Variants in ZNF610 observed in about 807,000 individuals in gnomAD.
The protein encoded by ZNF610 is zinc finger protein 610.
Under a neutral mutation model 14.1 loss-of-function variants are expected in ZNF610, and 14 were observed. The observed-to-expected ratio is 0.99, with a 90% confidence interval of 0.65 to 1.55. The LOEUF (loss-of-function observed/expected upper bound fraction) is 1.55. Among genes scored for constraint, ZNF610 ranks in the 40% most tolerant of loss-of-function variants. ZNF610 has a pLI of 0.00. For synonymous variants in ZNF610, 185 were observed against 187.6 expected (o/e 0.99, Z 0.11); for missense variants, 530 against 558.0 (o/e 0.95, Z 0.51).
At chr19:52,341,240 T>C (rs1000280489) in intron 1 of ZNF610, among the ~76,000 whole-genome samples, 13 of 152,222 alleles carry the variant, frequency 8.5e-5, no homozygotes, top group Non-Finnish European at 1.6e-4. Context: ...AATCAAGTTA[T>C]CGCATCCACC....
chr19:52,349,573 A>G (rs966499604), intron 3 of ZNF610, among the ~76,000 whole-genome samples: 2 of 132,732 alleles, frequency 1.5e-5, no homozygotes, highest in Admixed American at 7.7e-5. Context: ...GAAGTCACGT[A>G]TTTTTTTTTT....
In ZNF610 at chr19:52,366,705, C is replaced by T. The variant is rs375474425; in HGVS notation, c.1327C>T (p.Leu443Phe). 3 of 1,614,156 alleles carry T rather than the reference C, an allele frequency of 1.9e-6. No individual in the cohort carries two copies. The highest frequency in any genetic ancestry group is 2.2e-5 in the South Asian group (2 of 91,086). Residue 443 changes from leucine (L) to phenylalanine (F), a missense_variant, in exon 6 of 6, where the codon CTT (leucine) becomes TTT (phenylalanine). Transcript: ENST00000403906. ...CGKVFNQNPH[L>F]SRHRKIHAGE... ...CAAGGTCTTCAATCAAAATCCACACCTTTCACGACATCGGAAAATTCATGC... is the reference window on the plus strand; with the variant it reads ...CAAGGTCTTCAATCAAAATCCACACTTTTCACGACATCGGAAAATTCATGC...
At chr19:52,335,060 C>T (rs1028922561), upstream of ZNF610, among the ~76,000 whole-genome samples, 3 of 54,486 alleles carry the variant, frequency 5.5e-5, no homozygotes, top group Non-Finnish European at 7.2e-5. Context: ...CTTTGGGGGC[C>T]GGGGCGTGGG....
chr19:52,348,680 T>C (rs1377230652), intron 2 of ZNF610, among the ~76,000 whole-genome samples: 3 of 152,020 alleles, frequency 2.0e-5, no homozygotes, highest in Non-Finnish European at 4.4e-5. Context: ...TAAATAGAGG[T>C]CAGTACTGTT....
At chr19:52,330,920 C>T in the ZNF610 span, among the ~76,000 whole-genome samples, 3 of 152,162 alleles carry the variant, frequency 2.0e-5, no homozygotes, top group Non-Finnish European at 4.4e-5. Context: ...TTAAATGGCA[C>T]TTTCTGATAT....
chr19:52,333,322 A>C (rs928256216), upstream of ZNF610, among the ~76,000 whole-genome samples: 3 of 152,226 alleles, frequency 2.0e-5, no homozygotes, highest in Admixed American at 2.0e-4. Flanking sequence ...AGCTCCCGGT[A>C]ACCAAGCCGA....
At chr19:52,353,969 C>A (rs547202695) in intron 4 of ZNF610, among the ~76,000 whole-genome samples, 161 bp downstream of exon 4, 1 of 152,156 alleles carries the variant, frequency 6.6e-6, no homozygotes. Context: ...TGAAATGCGT[C>A]CTTTCTTCAG....
intron 1 of ZNF610, among the ~76,000 whole-genome samples, chr19:52,340,384 C>A (rs1270449143): frequency 1.3e-5 from 2 of 152,076 alleles, no homozygotes; most frequent in Non-Finnish European, 2.9e-5. Context: ...CCGTCTCAAA[C>A]ATGGGGGAAA....
chr19:52,358,382 C>A (rs1019209271), intron 5 of ZNF610, among the ~76,000 whole-genome samples: 1 of 152,136 alleles, frequency 6.6e-6, no homozygotes, highest in Non-Finnish European at 1.5e-5. Flanking sequence ...TGAGGTTTTA[C>A]CATGTTCACC....
Position 52,366,820 on chromosome 19 carries a change from C to A in ZNF610, c.*53C>A. On this transcript the variant is annotated 3_prime_UTR_variant, in exon 6 of 6. Coordinates refer to ENST00000403906, the MANE Select transcript of ZNF610 (RefSeq NM_001161425.2). ...ACACCTAGCACAACATTGGAGGACT[C>A]AGGAGAAAAACCTTACAAATATCAT... 1 of 1,414,036 alleles carries A rather than the reference C, an allele frequency of 7.1e-7. No homozygotes were observed. Among genetic ancestry groups the A allele is most frequent in the Non-Finnish European group, 9.7e-7 (1 of 1,030,380 alleles). 87.6% of individuals were successfully genotyped at this position (1,414,036 alleles called of 1,614,324 possible).
chr19:52,365,355 G>A (rs10401360), intron 5 of ZNF610, among the ~76,000 whole-genome samples: 27,059 of 152,104 alleles, frequency 0.18, 2,692 homozygotes, highest in East Asian at 0.25. Context: ...AGCTTTATGC[G>A]TATATTATAC....
At chr19:52,364,550 A>G (rs1985927911) in intron 5 of ZNF610, among the ~76,000 whole-genome samples, 1 of 152,088 alleles carries the variant, frequency 6.6e-6, no homozygotes, top group South Asian at 2.1e-4. Flanking sequence ...TTTGCTGAAT[A>G]TAGTATTCTT....
intron 5 of ZNF610, among the ~76,000 whole-genome samples, chr19:52,361,457 G>A (rs1347796242): frequency 6.6e-6 from 1 of 152,048 alleles, no homozygotes; most frequent in Non-Finnish European, 1.5e-5. Flanking sequence ...GATTACAGGC[G>A]TGAGCCACTG....
intron 1 of ZNF610, among the ~76,000 whole-genome samples, chr19:52,339,302 C>A (rs1984551302): frequency 6.6e-6 from 1 of 151,940 alleles, no homozygotes; most frequent in Non-Finnish European, 1.5e-5. Context: ...TAATCCTCAG[C>A]ACAGACCCTT....
chr19:52,338,723 G>C (rs1008828699), intron 1 of ZNF610, among the ~76,000 whole-genome samples: 1 of 151,994 alleles, frequency 6.6e-6, no homozygotes, highest in Non-Finnish European at 1.5e-5. Flanking sequence ...TCTTTGAGAC[G>C]GAGTTTCGGT....
At chr19:52,361,010 A>G (rs1349597753) in intron 5 of ZNF610, among the ~76,000 whole-genome samples, 1 of 152,068 alleles carries the variant, frequency 6.6e-6, no homozygotes, top group Non-Finnish European at 1.5e-5. Context: ...TTTACAGTGA[A>G]GTCATCTGGT....
At chr19:52,340,129 G>A (rs531970272) in intron 1 of ZNF610, among the ~76,000 whole-genome samples, 1 of 152,198 alleles carries the variant, frequency 6.6e-6, no homozygotes, top group Non-Finnish European at 1.5e-5. Context: ...GGCCAGACGC[G>A]TTGGCTTAAG....
rs542329415 is a variant in ZNF610 at position 52,341,900 on chromosome 19, T to C, written c.-258+5394T>C. On this transcript the variant is annotated intron_variant, in intron 1 of 5. Transcript: ENST00000403906. ...ATCACAGCTCACTGCAACCTCGACG[T>C]CCTGGGCTCAAACAATTCTCCCACC... 4.6e-5 allele frequency among the ~76,000 whole-genome samples: 7 copies of C among 152,322 alleles called. No individual in the cohort carries two copies. The East Asian group carries it at 1.4e-3, about 29-fold the overall frequency.
At chr19:52,334,257 G>C (rs931797788), upstream of ZNF610, among the ~76,000 whole-genome samples, 8 of 152,188 alleles carry the variant, frequency 5.3e-5, no homozygotes, top group African/African-American at 1.9e-4. Context: ...GCTCACGCCT[G>C]TAATCCCAGC....
Sources: allele counts gnomAD v4.1 joint callset (sites outside exome capture counted in the v4.1 genomes callset), GRCh38; gene constraint gnomAD v4.1.1; transcripts MANE v1.5; gene names NCBI Gene and HGNC (gene_info 2026-07-23, HGNC 2026-07-21).